The following AGBL1 variants were observed in gnomAD, a reference collection of about 807,000 sequenced individuals.
AGBL1 encodes the protein cytosolic carboxypeptidase 4.
A neutral mutation model predicts 118.9 loss-of-function variants in AGBL1; 130 were observed. The observed-to-expected ratio is 1.09, with a 90% CI of 0.95 to 1.26. The LOEUF is 1.26. Among genes scored for constraint, AGBL1 ranks in the 50% most tolerant of loss-of-function variants. The probability of loss-of-function intolerance (pLI) is 0.00; values close to 1 mark genes in which losing one functional copy is unlikely to be tolerated. For synonymous variants in AGBL1, 555 were observed against 478.9 expected (o/e 1.16, Z -2.08); for missense variants, 1,584 against 1,298.1 (o/e 1.22, Z -3.38).
intron 21 of AGBL1, among the ~76,000 whole-genome samples, chr15:86,626,626 C>A (rs941454492): frequency 6.6e-6 from 1 of 152,062 alleles, no homozygotes; most frequent in Non-Finnish European, 1.5e-5. Flanking sequence ...ATGTAACAAA[C>A]CTGCATGCAT....
Position 86,256,999 on chromosome 15 carries a change from T to TC in AGBL1, c.884dup (p.His296ThrfsTer2). The TC allele has an allele frequency of 6.2e-7, 1 of 1,613,824 alleles. No homozygotes were observed. The highest frequency in any genetic ancestry group is 1.1e-5 in the South Asian group (1 of 91,046). ...TCCCCGGGTGCATCACCACTGAACC[T>TC]CCACATGATCTACCTGAAGGTAAAA... On this transcript the variant is annotated frameshift_variant, in exon 8 of 23. Transcript: ENST00000614907. LOFTEE classifies it high-confidence loss of function.
chr15:86,506,706 C>T (rs2082981649), intron 18 of AGBL1, among the ~76,000 whole-genome samples: 1 of 152,088 alleles, frequency 6.6e-6, no homozygotes, highest in African/African-American at 2.4e-5. Context: ...AAAACAACCC[C>T]TTCCTGATAA....
chr15:86,510,755 A>T (rs1431155583), intron 18 of AGBL1, among the ~76,000 whole-genome samples: 1 of 152,132 alleles, frequency 6.6e-6, no homozygotes, highest in African/African-American at 2.4e-5. Context: ...AATATTTCAT[A>T]ATTAAACCTG....
intron 17 of AGBL1, among the ~76,000 whole-genome samples, chr15:86,304,414 T>C (rs2079804987): frequency 6.6e-6 from 1 of 152,232 alleles, no homozygotes; most frequent in Non-Finnish European, 1.5e-5. Flanking sequence ...TGATATCTAA[T>C]GTTGTTCCCC....
intron 15 of AGBL1, among the ~76,000 whole-genome samples, chr15:86,275,525 C>G (rs747010286): frequency 3.9e-5 from 6 of 152,086 alleles, no homozygotes; most frequent in Non-Finnish European, 5.9e-5. Context: ...TTTTATGCAC[C>G]CTGCTGAAAA....
intron 19 of AGBL1, among the ~76,000 whole-genome samples, chr15:86,523,206 C>T (rs920413950): frequency 1.3e-5 from 2 of 152,216 alleles, no homozygotes; most frequent in African/African-American, 4.8e-5. Flanking sequence ...CATGCCCACT[C>T]TGATGGCTCT....
intron 6 of AGBL1, among the ~76,000 whole-genome samples, chr15:86,244,924 T>C (rs1313397733): frequency 6.6e-6 from 1 of 152,192 alleles, no homozygotes; most frequent in Non-Finnish European, 1.5e-5. Context: ...TCATGCTGTA[T>C]GGCCAAGATC....
intron 22 of AGBL1, among the ~76,000 whole-genome samples, chr15:86,748,716 C>T (rs1452852998): frequency 6.6e-6 from 1 of 151,614 alleles, no homozygotes; most frequent in East Asian, 1.9e-4. Context: ...CCAGTTTCAG[C>T]TTTCTACATA....
intron 23 of AGBL1, among the ~76,000 whole-genome samples, chr15:86,939,322 C>G (rs138498035): frequency 1.3e-5 from 2 of 152,124 alleles, no homozygotes; most frequent in South Asian, 2.1e-4. Flanking sequence ...GTCTTCTGAC[C>G]CTCATCTTTC....
At chr15:86,737,254 A>T (rs114966599) in intron 22 of AGBL1, among the ~76,000 whole-genome samples, 1,775 of 152,196 alleles carry the variant, frequency 0.012, 40 homozygotes, top group African/African-American at 0.04. Flanking sequence ...TTCACGGAGG[A>T]GGTGATATCT....
intron 18 of AGBL1, among the ~76,000 whole-genome samples, chr15:86,491,034 A>G (rs1441911097): frequency 1.3e-5 from 2 of 152,118 alleles, no homozygotes; most frequent in Non-Finnish European, 2.9e-5. Context: ...GGTTATACAA[A>G]AATATATTTA....
chr15:86,834,867 T>G (rs1567198511), intron 22 of AGBL1, among the ~76,000 whole-genome samples: 1 of 152,174 alleles, frequency 6.6e-6, no homozygotes, highest in Non-Finnish European at 1.5e-5. Context: ...TAATTTCCTT[T>G]GGGGAAAACC....
chr15:86,748,271 T>C (rs963281487), intron 22 of AGBL1, among the ~76,000 whole-genome samples: 1 of 152,182 alleles, frequency 6.6e-6, no homozygotes, highest in Non-Finnish European at 1.5e-5. Flanking sequence ...GCAGCATAAA[T>C]GTCTTCTTTT....
chr15:87,026,187 G>A lies in AGBL1; in HGVS notation c.3324-2638G>A, dbSNP rs189608229. 1.2e-3 allele frequency among the ~76,000 whole-genome samples: 185 copies of A among 151,966 alleles called. 1 individual carries two copies. Among genetic ancestry groups the A allele is most frequent in the African/African-American group, 3.3e-3 (135 of 41,480 alleles). On this transcript the variant is annotated intron_variant, in intron 24 of 24. Transcript: ENST00000441037. The stretch of plus-strand genomic sequence containing the variant: ...TAGTTAAACTAAAGAGCTTTTGCAC[G>A]GCAAAAGGAACAGTTAGCAGAGTAA...
chr15:86,470,542 T>G (rs2082466184), intron 18 of AGBL1, among the ~76,000 whole-genome samples: 1 of 152,212 alleles, frequency 6.6e-6, no homozygotes, highest in African/African-American at 2.4e-5. Flanking sequence ...GTTCCATATG[T>G]ATTTTATGAT....
intron 21 of AGBL1, among the ~76,000 whole-genome samples, chr15:86,608,485 A>G (rs1464769433): frequency 1.3e-5 from 2 of 152,198 alleles, no homozygotes; most frequent in African/African-American, 2.4e-5. Context: ...ATGTGGCTCA[A>G]ACTGAATAGC....
At chr15:86,939,934 C>T (rs1371546237) in intron 23 of AGBL1, among the ~76,000 whole-genome samples, 4 of 151,656 alleles carry the variant, frequency 2.6e-5, no homozygotes, top group Non-Finnish European at 5.9e-5. Flanking sequence ...TACACTGGCC[C>T]AGGTGGAACC....
intron 22 of AGBL1, among the ~76,000 whole-genome samples, chr15:86,695,256 C>T (rs1209568032): frequency 6.6e-6 from 1 of 151,704 alleles, no homozygotes; most frequent in Admixed American, 6.6e-5. Context: ...TTTGTATTAC[C>T]ATTTCAATCT....
intron 1 of AGBL1, among the ~76,000 whole-genome samples, chr15:86,138,734 C>T (rs932629091): frequency 6.6e-6 from 1 of 151,972 alleles, no homozygotes; most frequent in Non-Finnish European, 1.5e-5. Flanking sequence ...CTTTTCCTTG[C>T]TCATGATTTA....
Sources: gnomAD v4.1 joint callset for allele counts (sites outside exome capture counted in the v4.1 genomes callset) on GRCh38, gnomAD v4.1.1 for gene constraint, MANE v1.5 for transcripts, NCBI Gene and HGNC (gene_info 2026-07-23, HGNC 2026-07-21) for gene names.